Variants in CDH18 observed in about 807,000 individuals in gnomAD.
CDH18 encodes the protein cadherin-18.
In CDH18, 31 loss-of-function variants were observed where a neutral mutation model predicts 67.9. The ratio of observed to expected loss-of-function variants is 0.46; its 90% confidence interval spans 0.34 to 0.62. The LOEUF is 0.62. Among genes scored for constraint, CDH18 ranks in the 20% least tolerant of loss-of-function variants. CDH18 has a pLI of 0.01. For synonymous variants in CDH18, 362 were observed against 347.2 expected (o/e 1.04, Z -0.48); for missense variants, 890 against 975.5 (o/e 0.91, Z 1.17).
intron 8 of CDH18, among the ~76,000 whole-genome samples, chr5:19,548,719 T>A (rs1736775351): frequency 2.0e-5 from 3 of 151,094 alleles, no homozygotes; most frequent in Admixed American, 2.0e-4. Flanking sequence ...CAGATTAAAA[T>A]ACAATCTAGG....
chr5:20,139,499 C>T (rs1220262884), intron 2 of CDH18, among the ~76,000 whole-genome samples: 3 of 152,020 alleles, frequency 2.0e-5, no homozygotes, highest in Non-Finnish European at 4.4e-5. Flanking sequence ...TTCTGCACAG[C>T]AAAAGAAAAC....
chr5:19,748,677 T>G (rs1315882521), intron 3 of CDH18, among the ~76,000 whole-genome samples: 1 of 152,166 alleles, frequency 6.6e-6, no homozygotes, highest in Admixed American at 6.5e-5. Flanking sequence ...TTCAGTTTTC[T>G]TGCCATAGTA....
intron 2 of CDH18, among the ~76,000 whole-genome samples, chr5:20,030,029 A>G (rs1561729502): frequency 6.6e-6 from 1 of 152,120 alleles, no homozygotes; most frequent in Non-Finnish European, 1.5e-5. Context: ...GGCCACCCTC[A>G]GCTCCCGGAG....
chr5:20,361,621 AC>A, intron 1 of CDH18, among the ~76,000 whole-genome samples: 1 of 152,212 alleles, frequency 6.6e-6, no homozygotes, highest in Admixed American at 6.5e-5. Context: ...CTAGTATATT[AC>A]CCTCATGAAA....
chr5:20,351,729 AT>A (rs1741201110), intron 1 of CDH18, among the ~76,000 whole-genome samples: 1 of 152,118 alleles, frequency 6.6e-6, no homozygotes, highest in South Asian at 2.1e-4. Flanking sequence ...GTGGATGGCA[AT>A]CTATTTATGC....
chr5:19,740,892 A>G (rs943636482), intron 4 of CDH18, among the ~76,000 whole-genome samples: 1 of 152,182 alleles, frequency 6.6e-6, no homozygotes, highest in East Asian at 1.9e-4. Context: ...TAATTGATAG[A>G]AGTTGGTAAA....
At chr5:19,713,412 A>G (rs887716293) in intron 5 of CDH18, among the ~76,000 whole-genome samples, 9 of 152,084 alleles carry the variant, frequency 5.9e-5, no homozygotes, top group Admixed American at 2.0e-4. Flanking sequence ...TGTAAGTTTA[A>G]TTTACATACC....
In CDH18 at chr5:19,907,897, T is replaced by C. The variant is rs78643934; in HGVS notation, c.-256-68655A>G. On this transcript the variant is annotated intron_variant, in intron 2 of 12. Coordinates refer to ENST00000382275, the MANE Select transcript of CDH18 (RefSeq NM_004934.5). ...AATATTTAGCAGCAATATTTCCAGC[T>C]TTTGACTTAAAATAAAATAACATCT... 8.5e-5 allele frequency among the ~76,000 whole-genome samples: 13 copies of C among 152,198 alleles called. No homozygotes were observed. In the East Asian group the frequency reaches 2.5e-3, roughly 29 times the overall value.
chr5:19,556,009 G>T (rs1580186274), intron 8 of CDH18, among the ~76,000 whole-genome samples: 1 of 152,130 alleles, frequency 6.6e-6, no homozygotes, highest in South Asian at 2.1e-4. Flanking sequence ...GGTGGCTAGA[G>T]CTAGAGGAGA....
intron 2 of CDH18, among the ~76,000 whole-genome samples, chr5:20,031,087 A>C (rs1053163098): frequency 6.6e-6 from 1 of 152,086 alleles, no homozygotes; most frequent in Admixed American, 6.6e-5. Flanking sequence ...CAGCTATATC[A>C]TTATTTTTAC....
At chr5:20,404,915 A>C (rs534186814) in intron 1 of CDH18, among the ~76,000 whole-genome samples, 1 of 152,286 alleles carries the variant, frequency 6.6e-6, no homozygotes, top group Non-Finnish European at 1.5e-5. Flanking sequence ...AACCTACAGA[A>C]GTCCTGCTGC....
At chr5:20,196,518 G>A (rs1011678602) in intron 2 of CDH18, among the ~76,000 whole-genome samples, 9 of 151,722 alleles carry the variant, frequency 5.9e-5, no homozygotes, top group East Asian at 5.8e-4. Flanking sequence ...GTGTAGTATC[G>A]GAAAAGTTAA....
intron 1 of CDH18, among the ~76,000 whole-genome samples, chr5:20,436,827 A>C (rs1749202417): frequency 6.6e-6 from 1 of 151,192 alleles, no homozygotes; most frequent in Non-Finnish European, 1.5e-5. Flanking sequence ...AAAAAAAAAA[A>C]TTCCCAAAAC....
intron 1 of CDH18, among the ~76,000 whole-genome samples, chr5:20,560,482 C>CACAT (rs1758143891): frequency 6.7e-6 from 1 of 150,328 alleles, no homozygotes. Flanking sequence ...CACACACACA[C>CACAT]ACACACACAC....
At chr5:20,165,348 A>G (rs1736203071) in intron 2 of CDH18, among the ~76,000 whole-genome samples, 1 of 152,056 alleles carries the variant, frequency 6.6e-6, no homozygotes, top group South Asian at 2.1e-4. Context: ...CACTTTGAGG[A>G]TAGAGAAATG....
chr5:20,425,549 G>A (rs1748238302), intron 1 of CDH18, among the ~76,000 whole-genome samples: 1 of 150,838 alleles, frequency 6.6e-6, no homozygotes. Flanking sequence ...ATAACTGAAG[G>A]TACATGTATT....
chr5:19,612,402 A>AT, intron 6 of CDH18, 32 bp downstream of exon 6: 1 of 1,602,602 alleles, frequency 6.2e-7, no homozygotes, highest in East Asian at 2.2e-5. Context: ...AGAGATAATG[A>AT]TAAATTCAAA....
chr5:19,971,685 C>T (rs1451852673), intron 2 of CDH18, among the ~76,000 whole-genome samples: 1 of 151,798 alleles, frequency 6.6e-6, no homozygotes, highest in African/African-American at 2.4e-5. Context: ...CACACTGGGA[C>T]CTTTCCGAAG....
chr5:20,529,222 TAAC>T (rs1756252090), intron 1 of CDH18, among the ~76,000 whole-genome samples: 1 of 150,658 alleles, frequency 6.6e-6, no homozygotes, highest in Non-Finnish European at 1.5e-5. Context: ...AATAGACCAA[TAAC>T]AAGTTCCGAA....
Sources: allele counts gnomAD v4.1 joint callset (sites outside exome capture counted in the v4.1 genomes callset), GRCh38; gene constraint gnomAD v4.1.1; transcripts MANE v1.5; gene names NCBI Gene and HGNC (gene_info 2026-07-23, HGNC 2026-07-21).